The following SLC9C1 variants were observed in gnomAD, a reference collection of about 807,000 sequenced individuals.
SLC9C1 encodes sodium/hydrogen exchanger 10.
Under a neutral mutation model 140.9 loss-of-function variants are expected in SLC9C1, and 97 were observed. The observed-to-expected ratio is 0.69, with a 90% CI of 0.58 to 0.82. The LOEUF (loss-of-function observed/expected upper bound fraction) is 0.82. SLC9C1 is among the 40% of genes least tolerant of loss of function. SLC9C1 has a pLI of 0.00. For synonymous variants in SLC9C1, 440 were observed against 442.6 expected (o/e 0.99, Z 0.07); for missense variants, 1,340 against 1,389.3 (o/e 0.96, Z 0.56).
intron 27 of SLC9C1, 117 bp downstream of exon 27, chr3:112,154,880 C>T: frequency 2.1e-6 from 2 of 938,750 alleles, no homozygotes; most frequent in South Asian, 1.7e-5. Context: ...CCAAAATCTA[C>T]AAAATGACTA....
chr3:112,172,103 A>G (rs758983347), intron 23 of SLC9C1, among the ~76,000 whole-genome samples: 4 of 152,158 alleles, frequency 2.6e-5, no homozygotes, highest in African/African-American at 7.2e-5. Context: ...TATATATTCT[A>G]CAAAAAGAGT....
chr3:112,232,655 AAAAC>A (rs1368296055), intron 12 of SLC9C1, among the ~76,000 whole-genome samples: 1 of 152,176 alleles, frequency 6.6e-6, no homozygotes, highest in Non-Finnish European at 1.5e-5. Flanking sequence ...AAAAAAAACA[AAAAC>A]AAAAACATTG....
At chr3:112,236,966 A>G (rs2079003932) in intron 12 of SLC9C1, among the ~76,000 whole-genome samples, 1 of 152,210 alleles carries the variant, frequency 6.6e-6, no homozygotes, top group Admixed American at 6.5e-5. Context: ...AGAGTTCTGT[A>G]GATGTCTGTT....
At chr3:112,217,620 T>G in intron 14 of SLC9C1, 59 bp from the exon 15 acceptor site, 1 of 1,456,556 alleles carries the variant, frequency 6.9e-7, no homozygotes, top group East Asian at 2.4e-5. Flanking sequence ...AGTTTAATGT[T>G]GTACTGGAAG....
intron 28 of SLC9C1, chr3:112,151,512 G>A (rs866066128): frequency 1.9e-6 from 1 of 521,330 alleles, no homozygotes; most frequent in African/African-American, 1.9e-5. Context: ...CACTTGAGAA[G>A]TGAAGTCATA....
chr3:112,275,151 G>GT, intron 5 of SLC9C1, 126 bp from the exon 6 acceptor site: 1 of 974,570 alleles, frequency 1.0e-6, no homozygotes, highest in African/African-American at 1.7e-5. Flanking sequence ...TGTAAGTTAA[G>GT]TTTAGACAAT....
At chr3:112,164,887 T>C (rs1056637704) in intron 26 of SLC9C1, among the ~76,000 whole-genome samples, 3 of 152,204 alleles carry the variant, frequency 2.0e-5, no homozygotes, top group Admixed American at 6.5e-5. Context: ...GGTTCCATTC[T>C]CCCCATCACT....
At chr3:112,163,600 C>A (rs2075372523) in intron 26 of SLC9C1, among the ~76,000 whole-genome samples, 2 of 151,900 alleles carry the variant, frequency 1.3e-5, no homozygotes, top group Admixed American at 6.6e-5. Context: ...GATTCTTAAT[C>A]CTGAGTTCTA....
At chr3:112,174,614 G>T (rs1451102891) in intron 23 of SLC9C1, among the ~76,000 whole-genome samples, 1 of 152,136 alleles carries the variant, frequency 6.6e-6, no homozygotes, top group Admixed American at 6.5e-5. Context: ...TGAGCTGGGG[G>T]CCCTGCCTGG....
At chr3:112,173,405 T>G (rs2077281268) in intron 23 of SLC9C1, among the ~76,000 whole-genome samples, 1 of 152,114 alleles carries the variant, frequency 6.6e-6, no homozygotes, top group Non-Finnish European at 1.5e-5. Context: ...ACATGATAAG[T>G]AGTTTTTTGA....
intron 20 of SLC9C1, among the ~76,000 whole-genome samples, chr3:112,187,373 C>A (rs2077559296): frequency 6.6e-6 from 1 of 152,140 alleles, no homozygotes; most frequent in African/African-American, 2.4e-5. Flanking sequence ...CTGCTTTTCA[C>A]AGGTCTTCTC....
In SLC9C1 at chr3:112,217,507, G is replaced by A. The variant is rs2078415892; in HGVS notation, c.1725C>T (p.Thr575=). 1.2e-6 allele frequency: 2 copies of A among 1,609,686 alleles called. No individual in the cohort carries two copies. Among genetic ancestry groups the A allele is most frequent in the Non-Finnish European group, 1.7e-6 (2 of 1,178,490 alleles). The change falls in exon 15 of 29, where the codon ACC becomes ACT. Residue 575 remains threonine, a synonymous_variant. Transcript: ENST00000305815. ...KNYSESQKTV[T]FARKLLLNWV... is the part of the protein sequence containing the mutation. Reference sequence around the variant, plus strand: ...AATTAAGTAGTAGTTTTCTAGCAAAGGTAACTGTTTTTTGGCTTTCAGAAT... The same window carrying A: ...AATTAAGTAGTAGTTTTCTAGCAAAAGTAACTGTTTTTTGGCTTTCAGAAT...
intron 26 of SLC9C1, among the ~76,000 whole-genome samples, chr3:112,164,810 A>G (rs559775992): frequency 7.2e-5 from 11 of 152,100 alleles, no homozygotes; most frequent in African/African-American, 1.7e-4. Flanking sequence ...GTGAATTTGA[A>G]TGTTGGCTGC....
At chr3:112,156,644 A>G (rs900778242) in intron 26 of SLC9C1, among the ~76,000 whole-genome samples, 3 of 152,024 alleles carry the variant, frequency 2.0e-5, no homozygotes, top group Non-Finnish European at 4.4e-5. Context: ...ATCTCCACCA[A>G]TAGTGTACAG....
chr3:112,218,401 C>T (rs1356937468), intron 14 of SLC9C1, among the ~76,000 whole-genome samples: 2 of 151,118 alleles, frequency 1.3e-5, no homozygotes, highest in African/African-American at 4.9e-5. Context: ...AAACCTTGCC[C>T]TTTCTATGAA....
rs370189108 is a variant in SLC9C1, at chr3:112,275,042, G to A, written c.485-17C>T. On this transcript the variant is annotated splice_polypyrimidine_tract_variant and intron_variant, in intron 5 of 28. Coordinates refer to ENST00000305815, the MANE Select transcript of SLC9C1 (RefSeq NM_183061.3). ...TAGAAAGCCCTACATATGTTGAGGG[G>A]GAAAGATGTTTTTTAAAGTGAGAAA... 2.7e-5 allele frequency: 41 copies of A among 1,534,236 alleles called. No homozygotes were observed. Among genetic ancestry groups the A allele is most frequent in the East Asian group, 2.2e-4 (9 of 41,418 alleles).
At chr3:112,235,983 T>C (rs1195403302) in intron 12 of SLC9C1, among the ~76,000 whole-genome samples, 1 of 152,200 alleles carries the variant, frequency 6.6e-6, no homozygotes, top group Non-Finnish European at 1.5e-5. Context: ...GCTGGCCTCA[T>C]AAAATGAGTT....
At chr3:112,273,452 T>C (rs900048525) in intron 6 of SLC9C1, among the ~76,000 whole-genome samples, 2 of 152,136 alleles carry the variant, frequency 1.3e-5, no homozygotes, top group East Asian at 3.9e-4. Context: ...ACTAACACCA[T>C]ACAGAGAGCT....
intron 7 of SLC9C1, among the ~76,000 whole-genome samples, chr3:112,267,153 C>G (rs2079940397): frequency 6.6e-6 from 1 of 152,088 alleles, no homozygotes; most frequent in South Asian, 2.1e-4. Flanking sequence ...CTGGCACATG[C>G]CTGTAGTACC....
Sources: gnomAD v4.1 joint callset for allele counts (sites outside exome capture counted in the v4.1 genomes callset) on GRCh38, gnomAD v4.1.1 for gene constraint, MANE v1.5 for transcripts, NCBI Gene and HGNC (gene_info 2026-07-23, HGNC 2026-07-21) for gene names.